Variants in MGAT4C observed in about 807,000 individuals in gnomAD.
MGAT4C encodes MGAT4 family member C, also known as alpha-1,3-mannosyl-glycoprotein 4-beta-N-acetylglucosaminyltransferase C.
MGAT4C carries 19 observed loss-of-function variants against 40.1 expected under a neutral mutation model. The observed-to-expected ratio is 0.47, with a 90% confidence interval of 0.33 to 0.70. The LOEUF (loss-of-function observed/expected upper bound fraction) is 0.70. Among genes scored for constraint, MGAT4C ranks in the 30% least tolerant of loss-of-function variants. The pLI is 0.02. For synonymous variants in MGAT4C, 181 were observed against 187.1 expected (o/e 0.97, Z 0.27); for missense variants, 491 against 563.2 (o/e 0.87, Z 1.30).
At chr12:86,090,814 T>C (rs1210299419) in intron 1 of MGAT4C, among the ~76,000 whole-genome samples, 1 of 151,862 alleles carries the variant, frequency 6.6e-6, no homozygotes, top group African/African-American at 2.4e-5. Context: ...TTTAGAAAGG[T>C]AGGAGGATAA....
At chr12:86,693,547 A>C (rs899354149) in intron 2 of MGAT4C, among the ~76,000 whole-genome samples, 5 of 152,098 alleles carry the variant, frequency 3.3e-5, no homozygotes, top group Admixed American at 3.3e-4. Flanking sequence ...TTGGGCTCCT[A>C]AGTTATTCTT....
chr12:86,172,670 C>T (rs1308407755), intron 1 of MGAT4C, among the ~76,000 whole-genome samples: 1 of 151,954 alleles, frequency 6.6e-6, no homozygotes. Flanking sequence ...GTCTGTACAT[C>T]CTATAAGTTT....
intron 4 of MGAT4C, among the ~76,000 whole-genome samples, chr12:86,291,286 T>G (rs929296810): frequency 6.6e-6 from 1 of 152,234 alleles, no homozygotes; most frequent in African/African-American, 2.4e-5. Context: ...TATTTGACTC[T>G]GCAATCCTAG....
chr12:86,181,029 G>A (rs1461738003), intron 1 of MGAT4C, among the ~76,000 whole-genome samples: 1 of 152,054 alleles, frequency 6.6e-6, no homozygotes, highest in African/African-American at 2.4e-5. Flanking sequence ...AGGGACCCAG[G>A]GGGAGGTAAT....
intron 2 of MGAT4C, among the ~76,000 whole-genome samples, chr12:86,453,327 G>T (rs781046254): frequency 6.6e-6 from 1 of 152,088 alleles, no homozygotes; most frequent in Non-Finnish European, 1.5e-5. Flanking sequence ...ATACCAAGAA[G>T]AGAGTTACAG....
At chr12:86,524,986 C>T (rs923441284) in intron 2 of MGAT4C, among the ~76,000 whole-genome samples, 2 of 152,086 alleles carry the variant, frequency 1.3e-5, no homozygotes, top group South Asian at 2.1e-4. Context: ...TGATTCTTAA[C>T]TTACTTGGAG....
At position 85,967,670 on chromosome 12, in the gene MGAT4C, C is replaced by A. The variant is rs754287575; in HGVS notation, c.*11619G>T. 7.9e-5 allele frequency: 12 copies of A among 151,910 alleles called. No homozygotes were observed. The highest frequency in any genetic ancestry group is 1.3e-4 in the Non-Finnish European group (9 of 67,934). The allele number at this position is 151,910 out of a possible 1,614,324, so 9.4% of individuals were successfully genotyped here. ...AGACAGAGCATTAAAATAATGTATT[C>A]ATTGATCTCATAAAGAATAGATGAT... On this transcript the variant is annotated 3_prime_UTR_variant, in exon 5 of 5. Transcript: ENST00000611864.
intron 2 of MGAT4C, among the ~76,000 whole-genome samples, chr12:86,521,410 T>C (rs969914818): frequency 2.0e-5 from 3 of 152,166 alleles, no homozygotes; most frequent in Non-Finnish European, 4.4e-5. Context: ...GAGTTCTCTA[T>C]TCTGTTCCAT....
At chr12:86,298,814 TAAATACTC>T (rs1407095095) in intron 4 of MGAT4C, among the ~76,000 whole-genome samples, 1 of 152,142 alleles carries the variant, frequency 6.6e-6, no homozygotes, top group Non-Finnish European at 1.5e-5. Flanking sequence ...ATTTTACCTC[TAAATACTC>T]AACAGTCCAG....
chr12:86,265,111 C>T (rs1051308076), intron 4 of MGAT4C, among the ~76,000 whole-genome samples: 1 of 151,974 alleles, frequency 6.6e-6, no homozygotes, highest in Non-Finnish European at 1.5e-5. Flanking sequence ...CACCCCCCGA[C>T]CCCCAGCCGG....
chr12:86,050,237 T>G (rs7961367), intron 1 of MGAT4C, among the ~76,000 whole-genome samples: 121,774 of 151,898 alleles, frequency 0.8, 49,514 homozygotes, highest in East Asian at 0.97. Flanking sequence ...AAGAGATTGT[T>G]CCTGTTACAA....
intron 1 of MGAT4C, among the ~76,000 whole-genome samples, chr12:86,800,248 C>G (rs955262592): frequency 6.6e-6 from 1 of 151,834 alleles, no homozygotes; most frequent in African/African-American, 2.4e-5. Flanking sequence ...GGCTCCAACT[C>G]TCACTAAAGA....
chr12:86,602,770 T>G (rs1210823450), intron 2 of MGAT4C, among the ~76,000 whole-genome samples: 1 of 152,056 alleles, frequency 6.6e-6, no homozygotes, highest in African/African-American at 2.4e-5. Context: ...TAATTAAGAT[T>G]ACTGAATGAA....
chr12:85,987,921 T>C (rs995884650), intron 3 of MGAT4C, among the ~76,000 whole-genome samples: 1 of 152,352 alleles, frequency 6.6e-6, no homozygotes, highest in Non-Finnish European at 1.5e-5. Flanking sequence ...AATAAATTTT[T>C]ATTATAAAAT....
At chr12:86,753,617 T>C (rs1251366203) in intron 1 of MGAT4C, among the ~76,000 whole-genome samples, 3 of 151,922 alleles carry the variant, frequency 2.0e-5, no homozygotes, top group Non-Finnish European at 4.4e-5. Flanking sequence ...TTTCAAAGCA[T>C]ACATCTGAAA....
At chr12:86,710,226 C>T (rs933402523) in intron 2 of MGAT4C, among the ~76,000 whole-genome samples, 1 of 152,076 alleles carries the variant, frequency 6.6e-6, no homozygotes, top group Middle Eastern at 3.2e-3. Context: ...TTTTTTTGCA[C>T]ATTCACAGTC....
At chr12:86,098,795 G>T (rs1874400051) in intron 1 of MGAT4C, among the ~76,000 whole-genome samples, 1 of 151,402 alleles carries the variant, frequency 6.6e-6, no homozygotes. Context: ...TAAAATTATT[G>T]CACATAATGT....
intron 1 of MGAT4C, among the ~76,000 whole-genome samples, chr12:86,162,697 T>C (rs73380881): frequency 6.6e-6 from 1 of 152,138 alleles, no homozygotes; most frequent in Non-Finnish European, 1.5e-5. Context: ...ATATGTCAGG[T>C]CAACAAACAG....
chr12:86,797,899 G>A (rs768356304), intron 1 of MGAT4C, among the ~76,000 whole-genome samples: 1 of 151,808 alleles, frequency 6.6e-6, no homozygotes, highest in African/African-American at 2.4e-5. Flanking sequence ...TTGATTGATT[G>A]TTAAATTCAT....
Sources: gnomAD v4.1 joint callset for allele counts (sites outside exome capture counted in the v4.1 genomes callset) on GRCh38, gnomAD v4.1.1 for gene constraint, MANE v1.5 for transcripts, NCBI Gene and HGNC (gene_info 2026-07-23, HGNC 2026-07-21) for gene names.